The following RAB28 variants were observed in gnomAD, a reference collection of about 807,000 sequenced individuals.
The protein encoded by RAB28 is RAB28, member RAS oncogene family, also known as ras-related protein Rab-28.
In RAB28, 24 loss-of-function variants were observed where a neutral mutation model predicts 31.7. That is an observed-to-expected ratio of 0.76 (90% CI 0.55 to 1.06). The LOEUF (loss-of-function observed/expected upper bound fraction) is 1.06, where lower values mean the gene tolerates loss of function less well. Among genes scored for constraint, RAB28 ranks in the 50% least tolerant of loss-of-function variants. The probability of loss-of-function intolerance (pLI) is 0.00; values close to 1 mark genes in which losing one functional copy is unlikely to be tolerated. For missense variants in RAB28, 254 were observed against 258.5 expected, an observed-to-expected ratio of 0.98 and a Z score of 0.12; for synonymous variants, 100 against 90.4, an observed-to-expected ratio of 1.11 and a Z score of -0.60.
At chr4:13,456,532 G>A (rs749022963) in intron 4 of RAB28, among the ~76,000 whole-genome samples, 11 of 152,146 alleles carry the variant, frequency 7.2e-5, no homozygotes, top group Non-Finnish European at 1.6e-4. Context: ...GGAAACTGAG[G>A]CATAAAAACG....
At chr4:13,429,576 T>TAACAA (rs140744822) in intron 4 of RAB28, among the ~76,000 whole-genome samples, 11,279 of 152,232 alleles carry the variant, frequency 0.074, 729 homozygotes, top group African/African-American at 0.18. Context: ...GGAATAAATT[T>TAACAA]AACAAGTGCA....
chr4:13,404,256 T>C (rs1334798628), intron 4 of RAB28, among the ~76,000 whole-genome samples: 2 of 152,120 alleles, frequency 1.3e-5, no homozygotes, highest in East Asian at 3.9e-4. Flanking sequence ...CGCATGCCTA[T>C]AATCCCAGCT....
rs180823937 is a variant in RAB28, at chr4:13,473,793, C to T, written c.261+525G>A. The T allele has an allele frequency of 3.2e-3, 746 of 234,538 alleles. 7 individuals carry two copies. Among genetic ancestry groups the T allele is most frequent in the African/African-American group, 0.017 (702 of 41,196 alleles). 14.5% of individuals were successfully genotyped at this position (234,538 alleles called of 1,614,324 possible). On this transcript the variant is annotated intron_variant, in intron 3 of 6. Transcript: ENST00000330852. ...TTTTCTTCTGAAAATACAGCATTAT[C>T]ATAGTAAATTATTGTATGTGTTTCA...
chr4:13,467,936 T>C (rs1247158481), intron 3 of RAB28, among the ~76,000 whole-genome samples: 3 of 151,650 alleles, frequency 2.0e-5, no homozygotes, highest in African/African-American at 7.3e-5. Flanking sequence ...GATAGAAAAA[T>C]AGCATGAAAA....
Position 13,436,553 on chromosome 4 carries a change from C to A in RAB28, c.391+24146G>T, listed in dbSNP as rs1479696738. 2.0e-5 allele frequency among the ~76,000 whole-genome samples: 3 copies of A among 152,160 alleles called. No homozygotes were observed. The South Asian group carries it at 6.2e-4, about 32-fold the overall frequency. On this transcript the variant is annotated intron_variant, in intron 4 of 6. Coordinates refer to ENST00000330852, the MANE Select transcript of RAB28 (RefSeq NM_001017979.3). The stretch of plus-strand genomic sequence containing the variant: ...GTAAACAAATCAGCATTTCTATACA[C>A]CAATAATGTTCAAGCTTAGAACCAA...
chr4:13,418,938 A>G (rs929170610), intron 4 of RAB28, among the ~76,000 whole-genome samples: 1 of 152,234 alleles, frequency 6.6e-6, no homozygotes, highest in Admixed American at 6.5e-5. Context: ...AAATGCCCCA[A>G]TTAAAAGACA....
intron 4 of RAB28, among the ~76,000 whole-genome samples, chr4:13,423,425 T>C (rs965591432): frequency 6.7e-6 from 1 of 148,870 alleles, no homozygotes; most frequent in Non-Finnish European, 1.5e-5. Context: ...TAATCCCAGC[T>C]ACTCGGGAGG....
chr4:13,466,281 T>C (rs1167647298), intron 3 of RAB28, among the ~76,000 whole-genome samples: 1 of 151,682 alleles, frequency 6.6e-6, no homozygotes, highest in Non-Finnish European at 1.5e-5. Flanking sequence ...AGAGACAACC[T>C]ACAAATTAAA....
intron 4 of RAB28, among the ~76,000 whole-genome samples, chr4:13,440,628 T>C (rs562394725): frequency 3.7e-4 from 56 of 152,274 alleles, no homozygotes; most frequent in African/African-American, 1.3e-3. Flanking sequence ...CAACATTCTA[T>C]GATTATGTGA....
At chr4:13,418,023 G>A (rs1197181772) in intron 4 of RAB28, among the ~76,000 whole-genome samples, 1 of 152,126 alleles carries the variant, frequency 6.6e-6, no homozygotes, top group African/African-American at 2.4e-5. Flanking sequence ...TAGACGAATG[G>A]CTAACTAGAA....
In RAB28 at chr4:13,470,055, T is replaced by C. The variant is rs112257007; in HGVS notation, c.261+4263A>G. Among the ~76,000 whole-genome samples, 501 of 152,184 alleles carry C rather than the reference T, an allele frequency of 3.3e-3. 1 individual carries two copies. Among genetic ancestry groups the C allele is most frequent in the African/African-American group, 0.011 (471 of 41,534 alleles). On this transcript the variant is annotated intron_variant, in intron 3 of 6. Transcript: ENST00000330852. ...AGTAACAGTCTTGTAAAGCATTGCA[T>C]AGATAATAGTTCGTCAGTGTAACAC...
At chr4:13,384,396 G>A (rs1458090455) in intron 4 of RAB28, among the ~76,000 whole-genome samples, 1 of 152,176 alleles carries the variant, frequency 6.6e-6, no homozygotes, top group Non-Finnish European at 1.5e-5. Context: ...GCTGCTGCTA[G>A]CACATGCAAA....
intron 4 of RAB28, among the ~76,000 whole-genome samples, chr4:13,409,116 G>A (rs978770834): frequency 5.3e-5 from 8 of 152,084 alleles, no homozygotes; most frequent in Non-Finnish European, 1.2e-4. Context: ...CTCATGTGGG[G>A]TCAAAAGTGA....
At chr4:13,475,688 A>G (rs1182144650) in intron 2 of RAB28, among the ~76,000 whole-genome samples, 2 of 148,470 alleles carry the variant, frequency 1.3e-5, no homozygotes, top group Non-Finnish European at 3.0e-5. Context: ...TTTTATCACC[A>G]TCATTACCAC....
chr4:13,404,839 T>C lies in RAB28; in HGVS notation c.392-23245A>G, dbSNP rs186581493. 6.6e-5 allele frequency among the ~76,000 whole-genome samples: 10 copies of C among 152,178 alleles called. No homozygotes were observed. The East Asian group carries it at 1.5e-3, about 23-fold the overall frequency. On this transcript the variant is annotated intron_variant, in intron 4 of 6. Transcript: ENST00000330852. Reference sequence around the variant, plus strand: ...CTAAAATGAACAAATTCAGTTAATATCTTTTAACAATACTAACCAGTTTTT... The same window carrying C: ...CTAAAATGAACAAATTCAGTTAATACCTTTTAACAATACTAACCAGTTTTT...
chr4:13,475,872 A>G (rs1716340179), intron 2 of RAB28, among the ~76,000 whole-genome samples: 1 of 151,574 alleles, frequency 6.6e-6, no homozygotes, highest in African/African-American at 2.4e-5. Context: ...TGCTGTCTCA[A>G]ATGAAGCAGA....
rs368367393 is a variant in RAB28, at chr4:13,465,529, C to A, written c.262-4701G>T. Among the ~76,000 whole-genome samples, 4 of 150,204 alleles carry A rather than the reference C, an allele frequency of 2.7e-5. No homozygotes were observed. In the South Asian group the frequency reaches 6.3e-4, roughly 24 times the overall value. On this transcript the variant is annotated intron_variant, in intron 3 of 6. Coordinates refer to ENST00000330852, the MANE Select transcript of RAB28 (RefSeq NM_001017979.3). ...ACTGACAGAAAATTTAAAAAAAAAA[C>A]TACCTAGAATTCTATACCCATAAAA...
chr4:13,479,579 C>A, intron 1 of RAB28, 53 bp from the exon 2 acceptor site: 1 of 1,142,164 alleles, frequency 8.8e-7, no homozygotes, highest in South Asian at 1.3e-5. Context: ...GAAATGTAAT[C>A]ATAAGACCAC....
intron 4 of RAB28, among the ~76,000 whole-genome samples, chr4:13,403,498 C>A (rs76237239): frequency 0.027 from 4,104 of 152,230 alleles, 85 homozygotes; most frequent in South Asian, 0.053. Context: ...TTGCCAAGTC[C>A]CCTTATATTC....
Sources: gnomAD v4.1 joint callset for allele counts (sites outside exome capture counted in the v4.1 genomes callset) on GRCh38, gnomAD v4.1.1 for gene constraint, MANE v1.5 for transcripts, NCBI Gene and HGNC (gene_info 2026-07-23, HGNC 2026-07-21) for gene names.